Variants in PPP3CC observed in about 807,000 individuals in gnomAD.
PPP3CC encodes the protein protein phosphatase 3 catalytic subunit gamma, also known as serine/threonine-protein phosphatase 2B catalytic subunit gamma isoform.
In PPP3CC, 35 loss-of-function variants were observed where a neutral mutation model predicts 60.3. The observed-to-expected ratio is 0.58, with a 90% CI of 0.44 to 0.77. The LOEUF (loss-of-function observed/expected upper bound fraction) is 0.77, where lower values mean the gene tolerates loss of function less well. Ranked by LOEUF, PPP3CC falls within the 30% of genes least tolerant of loss-of-function variation. The pLI is 0.00. For missense variants in PPP3CC, 570 were observed against 628.9 expected (o/e 0.91, Z 1.00); for synonymous variants, 206 against 224.3 (o/e 0.92, Z 0.73).
intron 1 of PPP3CC, among the ~76,000 whole-genome samples, chr8:22,444,548 G>T (rs890122600): frequency 2.0e-5 from 3 of 152,184 alleles, no homozygotes; most frequent in African/African-American, 7.2e-5. Context: ...AATCTCGTCG[G>T]TAACAATGTG....
chr8:22,462,824 T>C lies in PPP3CC; in HGVS notation c.50-12130T>C, dbSNP rs138285635. ...TTTTCTTAGATGATAATTTGTTGAA[T>C]CAGCTGGTGTGACAGTGGCTGCACA... On this transcript the variant is annotated intron_variant, in intron 1 of 13. Transcript: ENST00000240139. Among the ~76,000 whole-genome samples the C allele has an allele frequency of 2.8e-3, 421 of 152,308 alleles. 1 individual carries two copies. Among genetic ancestry groups the C allele is most frequent in the African/African-American group, 9.5e-3 (394 of 41,568 alleles).
intron 1 of PPP3CC, among the ~76,000 whole-genome samples, chr8:22,456,447 G>A (rs1438839913): frequency 6.6e-6 from 1 of 152,116 alleles, no homozygotes; most frequent in Non-Finnish European, 1.5e-5. Flanking sequence ...TTCACAGGAG[G>A]TTGTAAATAA....
At chr8:22,537,068 A>G (rs1028791110) in intron 12 of PPP3CC, among the ~76,000 whole-genome samples, 28 of 152,368 alleles carry the variant, frequency 1.8e-4, no homozygotes, top group Non-Finnish European at 1.2e-4. Context: ...AAAACAGATC[A>G]GTTATAAATT....
rs767409383 is a variant in PPP3CC at position 22,527,476 on chromosome 8, T to C, written c.1028T>C (p.Met343Thr). The C allele has an allele frequency of 5.0e-6, 8 of 1,613,964 alleles. No individual in the cohort carries two copies. In the South Asian group the frequency reaches 8.8e-5, roughly 18 times the overall value. ...SPHPYWLPNF[M>T]DVFTWSLPFV... The stretch of plus-strand genomic sequence containing the variant: ...CACCCCTACTGGCTTCCAAACTTTA[T>C]GGATGTTTTCACATGGTCTTTGCCT... The change falls in exon 9 of 14, where the codon ATG becomes ACG. Residue 343 changes from methionine (M) to threonine (T), a missense_variant. Met to Thr is a moderately conservative substitution (Grantham distance 81, BLOSUM62 -1). Transcript: ENST00000240139.
At position 22,492,856 on chromosome 8, in the gene PPP3CC, C is replaced by T. The variant is rs557672817; in HGVS notation, c.373-5145C>T. 8.7e-6 allele frequency: 9 copies of T among 1,030,748 alleles called. No homozygotes were observed. The Admixed American group carries it at 1.2e-4, about 14-fold the overall frequency. The allele number at this position is 1,030,748 out of a possible 1,614,324, so 63.9% of individuals were successfully genotyped here. On this transcript the variant is annotated intron_variant, in intron 3 of 13. Coordinates refer to ENST00000240139, the MANE Select transcript of PPP3CC (RefSeq NM_005605.5). ...TCCACTTTAACAGCAGAGATGCCAG[C>T]AAACTCTTTCACCATTACAGGCCAT... is the stretch of plus-strand genomic sequence containing the variant.
chr8:22,497,209 A>G (rs1162695424), intron 3 of PPP3CC, among the ~76,000 whole-genome samples: 1 of 151,996 alleles, frequency 6.6e-6, no homozygotes, highest in Non-Finnish European at 1.5e-5. Context: ...TTGTATTTTT[A>G]GTAGACGCGG....
intron 1 of PPP3CC, among the ~76,000 whole-genome samples, chr8:22,467,559 C>T (rs891403013): frequency 6.6e-6 from 1 of 152,048 alleles, no homozygotes; most frequent in African/African-American, 2.4e-5. Flanking sequence ...TCTCCTGCTT[C>T]AGCCTCCTGA....
intron 4 of PPP3CC, among the ~76,000 whole-genome samples, chr8:22,499,085 C>CTCCA (rs1838681696): frequency 6.6e-6 from 1 of 150,612 alleles, no homozygotes; most frequent in Non-Finnish European, 1.5e-5. Context: ...TGCCACTGTA[C>CTCCA]TCCAGCCTGG....
At chr8:22,520,654 T>C (rs1341748601) in intron 6 of PPP3CC, among the ~76,000 whole-genome samples, 1 of 152,208 alleles carries the variant, frequency 6.6e-6, no homozygotes, top group Non-Finnish European at 1.5e-5. Context: ...AGGATTTCTA[T>C]TTGCTTCTTT....
intron 12 of PPP3CC, among the ~76,000 whole-genome samples, chr8:22,533,824 C>G (rs893219276): frequency 3.3e-5 from 5 of 149,832 alleles, no homozygotes; most frequent in Non-Finnish European, 7.4e-5. Flanking sequence ...GACTCCATCT[C>G]AAAAAAAACC....
chr8:22,480,720 C>G (rs1838037496), intron 3 of PPP3CC, among the ~76,000 whole-genome samples: 1 of 152,012 alleles, frequency 6.6e-6, no homozygotes, highest in Non-Finnish European at 1.5e-5. Flanking sequence ...CTCAGGTGAT[C>G]CACCTGCCTC....
intron 1 of PPP3CC, among the ~76,000 whole-genome samples, chr8:22,468,374 T>C (rs1350939864): frequency 6.6e-6 from 1 of 152,168 alleles, no homozygotes; most frequent in African/African-American, 2.4e-5. Flanking sequence ...CGAAGTGCTG[T>C]GATTACAGGC....
chr8:22,459,984 A>G (rs1236800862), intron 1 of PPP3CC, among the ~76,000 whole-genome samples: 3 of 152,322 alleles, frequency 2.0e-5, no homozygotes, highest in African/African-American at 4.8e-5. Flanking sequence ...TCTATACTGC[A>G]TTAGTGGAGT....
At chr8:22,457,371 C>T (rs966407496) in intron 1 of PPP3CC, among the ~76,000 whole-genome samples, 6 of 150,776 alleles carry the variant, frequency 4.0e-5, no homozygotes, top group Non-Finnish European at 8.9e-5. Flanking sequence ...GGCTGGATCT[C>T]GGCTCACTGC....
intron 1 of PPP3CC, among the ~76,000 whole-genome samples, chr8:22,453,611 C>T (rs1837100712): frequency 6.6e-6 from 1 of 152,116 alleles, no homozygotes; most frequent in Non-Finnish European, 1.5e-5. Context: ...ATAAGTGAAC[C>T]AGTGCAGTTC....
chr8:22,473,722 C>A (rs1837801962), intron 1 of PPP3CC, among the ~76,000 whole-genome samples: 1 of 152,054 alleles, frequency 6.6e-6, no homozygotes, highest in Non-Finnish European at 1.5e-5. Flanking sequence ...CCTTGGCCTC[C>A]CAAGGTGCTG....
At chr8:22,443,786 CT>C (rs34696523) in intron 1 of PPP3CC, among the ~76,000 whole-genome samples, 1 of 152,100 alleles carries the variant, frequency 6.6e-6, no homozygotes, top group Non-Finnish European at 1.5e-5. Flanking sequence ...ACTTATGGTG[CT>C]TTTTTCAGGG....
intron 4 of PPP3CC, among the ~76,000 whole-genome samples, chr8:22,499,622 G>A (rs993397653): frequency 6.6e-6 from 1 of 152,160 alleles, no homozygotes; most frequent in Non-Finnish European, 1.5e-5. Flanking sequence ...TCCTTGACTA[G>A]CATCTAGTAC....
Position 22,441,119 on chromosome 8 carries a change from C to A in PPP3CC, c.-291C>A, listed in dbSNP as rs11555261. On this transcript the variant is annotated 5_prime_UTR_variant, in exon 1 of 14. Transcript: ENST00000240139. ...GGGCCGCGAGCAGCCGCGGCCGTCC[C>A]GGTCGCCACCCTTAGCAGCGGTCGC... 1.0e-5 allele frequency: 3 copies of A among 299,436 alleles called. No individual in the cohort carries two copies. Among genetic ancestry groups the A allele is most frequent in the East Asian group, 5.2e-5 (1 of 19,216 alleles). 18.5% of individuals were successfully genotyped at this position (299,436 alleles called of 1,614,324 possible).
Sources: allele counts gnomAD v4.1 joint callset (sites outside exome capture counted in the v4.1 genomes callset), GRCh38; gene constraint gnomAD v4.1.1; transcripts MANE v1.5; gene names NCBI Gene and HGNC (gene_info 2026-07-23, HGNC 2026-07-21).